The following CAP2 variants were observed in gnomAD, a reference collection of about 807,000 sequenced individuals.
The protein encoded by CAP2 is cyclase associated actin cytoskeleton regulatory protein 2, also known as adenylyl cyclase-associated protein 2.
Under a neutral mutation model 57.7 loss-of-function variants are expected in CAP2, and 24 were observed. The observed-to-expected ratio is 0.42, with a 90% CI of 0.30 to 0.58. The LOEUF (loss-of-function observed/expected upper bound fraction) is 0.58. Ranked by LOEUF, CAP2 falls within the 20% of genes least tolerant of loss-of-function variation. CAP2 has a pLI of 0.22. For synonymous variants in CAP2, 194 were observed against 207.2 expected (o/e 0.94, Z 0.55); for missense variants, 501 against 590.3 (o/e 0.85, Z 1.57).
intron 4 of CAP2, among the ~76,000 whole-genome samples, chr6:17,484,199 C>G (rs1157675159): frequency 6.6e-6 from 1 of 152,032 alleles, no homozygotes; most frequent in Non-Finnish European, 1.5e-5. Flanking sequence ...CCATTCATTT[C>G]CTTTCCAGAG....
chr6:17,533,906 A>G (rs1762709811), intron 7 of CAP2, among the ~76,000 whole-genome samples: 1 of 152,256 alleles, frequency 6.6e-6, no homozygotes, highest in Non-Finnish European at 1.5e-5. Flanking sequence ...AATGACTCCA[A>G]TAGAACGTAC....
At position 17,492,962 on chromosome 6, in the gene CAP2, G is replaced by C. The variant is rs970435212; in HGVS notation, c.301-14207G>C. On this transcript the variant is annotated intron_variant, in intron 4 of 12. Transcript: ENST00000229922. ...AGATAAAAAGAACAAGAAAACATGA[G>C]GTCAGAGTTAGTGGATATCAGGCAG... is the stretch of plus-strand genomic sequence containing the variant. Among the ~76,000 whole-genome samples, 4 of 152,210 alleles carry C rather than the reference G, an allele frequency of 2.6e-5. No individual in the cohort carries two copies. In the East Asian group the frequency reaches 7.7e-4, roughly 29 times the overall value.
chr6:17,551,540 A>T lies in CAP2; in HGVS notation c.1286A>T (p.Asp429Val), dbSNP rs769866064. ...CHIYLSEDAL[D>V]CEIVSAKSSE... ...ATATACCTCAGTGAAGATGCATTAGACTGTGAGATCGTGAGCGCCAAGTCA... is the reference window on the plus strand; with the variant it reads ...ATATACCTCAGTGAAGATGCATTAGTCTGTGAGATCGTGAGCGCCAAGTCA... Residue 429 changes from aspartate to valine, a missense_variant, in exon 12 of 13, where the codon GAC becomes GTC. By Grantham distance (152) the Asp-to-Val change is radical. Transcript: ENST00000229922. The T allele has an allele frequency of 1.9e-6, 3 of 1,611,626 alleles. No homozygotes were observed. The South Asian group carries it at 3.3e-5, about 18-fold the overall frequency.
Position 17,551,507 on chromosome 6 carries a change from G to A in CAP2, c.1253G>A (p.Gly418Asp). The A allele has an allele frequency of 6.2e-7, 1 of 1,610,816 alleles. No homozygotes were observed. The highest frequency in any genetic ancestry group is 1.1e-5 in the South Asian group (1 of 90,722). Residue 418 changes from glycine (G) to aspartate (D), a missense_variant, in exon 12 of 13, where the codon GGT becomes GAT. Coordinates refer to ENST00000229922, the MANE Select transcript of CAP2 (RefSeq NM_006366.3). ...ACAATTTCCATTAATAAGACAGAAG[G>A]TTGCCACATATACCTCAGTGAAGAT... ...VPTISINKTEGCHIYLSEDAL... is the reference protein window; with the variant it reads ...VPTISINKTEDCHIYLSEDAL...
chr6:17,416,062 G>A (rs1005812217), intron 1 of CAP2, among the ~76,000 whole-genome samples: 7 of 151,504 alleles, frequency 4.6e-5, no homozygotes, highest in Non-Finnish European at 1.0e-4. Context: ...AATGTTCAGA[G>A]GGAAAATATG....
chr6:17,495,674 G>A (rs1761645294), intron 4 of CAP2, among the ~76,000 whole-genome samples: 1 of 152,174 alleles, frequency 6.6e-6, no homozygotes. Context: ...GGACGACAAA[G>A]AAGCATCTCA....
At chr6:17,455,916 T>C (rs1285851552) in intron 3 of CAP2, among the ~76,000 whole-genome samples, 1 of 152,208 alleles carries the variant, frequency 6.6e-6, no homozygotes, top group Non-Finnish European at 1.5e-5. Flanking sequence ...GTTGAATTCT[T>C]TCTTATGAGG....
intron 3 of CAP2, among the ~76,000 whole-genome samples, chr6:17,449,517 G>C (rs943792725): frequency 6.6e-6 from 1 of 151,414 alleles, no homozygotes; most frequent in Non-Finnish European, 1.5e-5. Context: ...AGTGATTCTC[G>C]TGCCTCAGCC....
At chr6:17,541,998 C>T (rs1217080545) in intron 9 of CAP2, among the ~76,000 whole-genome samples, 1 of 152,144 alleles carries the variant, frequency 6.6e-6, no homozygotes, top group Non-Finnish European at 1.5e-5. Context: ...TAAGTCTGTT[C>T]ATATGGTTGT....
chr6:17,450,367 C>G (rs773171598), intron 3 of CAP2, among the ~76,000 whole-genome samples: 17 of 152,204 alleles, frequency 1.1e-4, no homozygotes, highest in South Asian at 4.1e-4. Context: ...TGCCTTTGAT[C>G]TATTTGATGT....
chr6:17,486,698 A>C (rs1761428143), intron 4 of CAP2, among the ~76,000 whole-genome samples: 1 of 152,218 alleles, frequency 6.6e-6, no homozygotes, highest in Admixed American at 6.5e-5. Flanking sequence ...AATCAGCCTC[A>C]AAATACCATT....
chr6:17,419,907 C>G (rs1022144189), intron 1 of CAP2, among the ~76,000 whole-genome samples: 1 of 151,672 alleles, frequency 6.6e-6, no homozygotes, highest in African/African-American at 2.4e-5. Flanking sequence ...GAGTCTCACT[C>G]TGTCGCCAGG....
chr6:17,523,236 A>G (rs562181841), intron 7 of CAP2, among the ~76,000 whole-genome samples: 108 of 152,326 alleles, frequency 7.1e-4, no homozygotes, highest in African/African-American at 2.5e-3. Context: ...GAGTTGGAGG[A>G]CAAGGGACAT....
intron 7 of CAP2, among the ~76,000 whole-genome samples, chr6:17,522,251 G>A (rs1489999438): frequency 6.6e-6 from 1 of 152,190 alleles, no homozygotes; most frequent in African/African-American, 2.4e-5. Context: ...CTGCTCTACT[G>A]TATTTAAGTT....
At chr6:17,476,313 G>A (rs1285369300) in intron 4 of CAP2, among the ~76,000 whole-genome samples, 1 of 152,178 alleles carries the variant, frequency 6.6e-6, no homozygotes, top group Non-Finnish European at 1.5e-5. Flanking sequence ...CCTATCTGAA[G>A]CTGATGATGG....
chr6:17,509,182 CT>C (rs1018142116), intron 6 of CAP2, among the ~76,000 whole-genome samples: 5 of 151,786 alleles, frequency 3.3e-5, no homozygotes, highest in Non-Finnish European at 5.9e-5. Context: ...AAATAAATAC[CT>C]AGTATACTTC....
intron 4 of CAP2, among the ~76,000 whole-genome samples, chr6:17,472,432 A>C (rs1761044569): frequency 6.6e-6 from 1 of 152,222 alleles, no homozygotes; most frequent in Non-Finnish European, 1.5e-5. Context: ...TTTCTGGAGA[A>C]GTGTATTAGT....
chr6:17,537,040 A>G (rs1429801329), intron 7 of CAP2, among the ~76,000 whole-genome samples: 2 of 152,184 alleles, frequency 1.3e-5, no homozygotes, highest in Non-Finnish European at 2.9e-5. Flanking sequence ...GACTATTGCA[A>G]ATTAAATCTT....
At chr6:17,483,845 T>C (rs1761357426) in intron 4 of CAP2, among the ~76,000 whole-genome samples, 1 of 151,946 alleles carries the variant, frequency 6.6e-6, no homozygotes, top group South Asian at 2.1e-4. Context: ...CACTGCTCAG[T>C]GATAAGGAGC....
Sources: gnomAD v4.1 joint callset for allele counts (sites outside exome capture counted in the v4.1 genomes callset) on GRCh38, gnomAD v4.1.1 for gene constraint, MANE v1.5 for transcripts, NCBI Gene and HGNC (gene_info 2026-07-23, HGNC 2026-07-21) for gene names.